Variants in ZC3H8 observed in about 807,000 individuals in gnomAD.
The protein encoded by ZC3H8 is zinc finger CCCH-type containing 8.
A neutral mutation model predicts 42.5 loss-of-function variants in ZC3H8; 27 were observed. The observed-to-expected ratio is 0.64, with a 90% CI of 0.47 to 0.88. The LOEUF (loss-of-function observed/expected upper bound fraction) is 0.88, where lower values mean the gene tolerates loss of function less well. Ranked by LOEUF, ZC3H8 falls within the 40% of genes least tolerant of loss-of-function variation. The pLI is 0.00. For missense variants in ZC3H8, 277 were observed against 336.1 expected, an observed-to-expected ratio of 0.82 and a Z score of 1.37; for synonymous variants, 101 against 110.1, an observed-to-expected ratio of 0.92 and a Z score of 0.52.
At chr2:112,234,381 G>A in intron 4 of ZC3H8, 145 bp from the exon 5 acceptor site, 1 of 591,466 alleles carries the variant, frequency 1.7e-6, no homozygotes, top group South Asian at 2.3e-5. Flanking sequence ...TTGGATTTCT[G>A]TACACCAGGT....
intron 8 of ZC3H8, among the ~76,000 whole-genome samples, chr2:112,217,094 C>A (rs1015577415): frequency 2.6e-5 from 4 of 152,092 alleles, no homozygotes; most frequent in African/African-American, 7.2e-5. Flanking sequence ...ACAGACCAGG[C>A]GCGGTGGCTC....
rs1397216132 is a variant in ZC3H8 at position 112,236,566 on chromosome 2, T to G, written c.500A>C (p.Glu167Ala). 6.2e-7 allele frequency: 1 copy of G among 1,612,990 alleles called. No homozygotes were observed. Among genetic ancestry groups the G allele is most frequent in the African/African-American group, 1.3e-5 (1 of 74,850 alleles). The change falls in exon 4 of 9, where the codon GAA becomes GCA. Residue 167 changes from glutamate to alanine, a missense_variant. Glu to Ala is a moderately radical substitution (Grantham distance 107). Transcript: ENST00000409573. Reference protein sequence around the residue: ...NALLRNSGSQEEDGKPKEKQQ... With the variant: ...NALLRNSGSQAEDGKPKEKQQ... ...TAGAAGCATATATTCCAATACCTCT[T>G]CCTGTGAGCCGCTGTTCCTCAGCAA...
intron 2 of ZC3H8, among the ~76,000 whole-genome samples, chr2:112,242,311 C>G (rs1685612941): frequency 6.6e-6 from 1 of 152,144 alleles, no homozygotes; most frequent in African/African-American, 2.4e-5. Context: ...CACTTGAAAA[C>G]TATATAAAAT....
chr2:112,253,041 G>A (rs1448652730), intron 1 of ZC3H8, among the ~76,000 whole-genome samples: 1 of 152,058 alleles, frequency 6.6e-6, no homozygotes, highest in East Asian at 1.9e-4. Context: ...GGCTGAGGCA[G>A]GAGAATGGTG....
Position 112,232,619 on chromosome 2 carries a change from A to C in ZC3H8, c.733+641T>G, listed in dbSNP as rs150359994. Among the ~76,000 whole-genome samples, 839 of 152,314 alleles carry C rather than the reference A, an allele frequency of 5.5e-3. 6 individuals carry two copies. The highest frequency in any genetic ancestry group is 8.3e-3 in the Non-Finnish European group (563 of 68,022). The stretch of plus-strand genomic sequence containing the variant: ...AAAGTCAACAACGACATATCTTACA[A>C]ATCTGGATCCTTTGTACATTAGACT... On this transcript the variant is annotated intron_variant, in intron 6 of 8. Transcript: ENST00000409573.
intron 2 of ZC3H8, among the ~76,000 whole-genome samples, chr2:112,245,679 A>G (rs1685738934): frequency 6.6e-6 from 1 of 152,198 alleles, no homozygotes; most frequent in Admixed American, 6.5e-5. Context: ...TGATGAAGCA[A>G]CAAGTGCTGA....
intron 8 of ZC3H8, among the ~76,000 whole-genome samples, chr2:112,223,223 G>A (rs1478314609): frequency 2.0e-5 from 3 of 151,770 alleles, no homozygotes; most frequent in East Asian, 1.9e-4. Flanking sequence ...AAACCTGCAC[G>A]TTGTGCACAT....
intron 8 of ZC3H8, among the ~76,000 whole-genome samples, chr2:112,227,124 C>G (rs1270334402): frequency 1.3e-5 from 2 of 152,176 alleles, no homozygotes; most frequent in African/African-American, 2.4e-5. Context: ...TGCCAAATAT[C>G]AGGACAAAGG....
At position 112,213,534 on chromosome 2, in the gene ZC3H8, TG is replaced by T. The variant is rs1217421618; in HGVS notation, c.*2949del. On this transcript the variant is annotated 3_prime_UTR_variant, in exon 9 of 9. Coordinates refer to ENST00000409573, the MANE Select transcript of ZC3H8 (RefSeq NM_032494.3). Reference sequence around the variant, plus strand: ...GCCCACACCTGTAATCCCAGCACTTTGGGAGGCCGAGGTGGGTGGATCACGA... The same window carrying T: ...GCCCACACCTGTAATCCCAGCACTTTGGAGGCCGAGGTGGGTGGATCACGA... The T allele has an allele frequency of 1.3e-5, 2 of 151,590 alleles. No individual in the cohort carries two copies. The highest frequency in any genetic ancestry group is 4.8e-5 in the African/African-American group (2 of 41,308). 9.4% of individuals were successfully genotyped at this position (151,590 alleles called of 1,614,324 possible). A position where few individuals can be genotyped will look rare whatever the true frequency, so the allele number is the denominator to read the frequency against.
chr2:112,255,011 C>T lies in ZC3H8; in HGVS notation c.-30G>A. ...CAGACAGGTCCTCCCTTTCGCGAGC[C>T]GGGAAGCTACAGAGTAACAACCCGA... On this transcript the variant is annotated 5_prime_UTR_variant, in exon 1 of 9. Transcript: ENST00000409573. The T allele has an allele frequency of 6.3e-7, 1 of 1,580,138 alleles. No individual in the cohort carries two copies. Among genetic ancestry groups the T allele is most frequent in the Non-Finnish European group, 8.6e-7 (1 of 1,164,168 alleles).
At chr2:112,236,781 T>A in intron 3 of ZC3H8, 86 bp from the exon 4 acceptor site, 1 of 1,215,662 alleles carries the variant, frequency 8.2e-7, no homozygotes, top group Non-Finnish European at 1.1e-6. Context: ...GTGCAGTGGC[T>A]CATGTCTGTA....
In ZC3H8 at chr2:112,212,606, A is replaced by C; in HGVS notation, c.*3878T>G. Reference sequence around the variant, plus strand: ...TGGTATGACATGAAATCTGAAGGTGAGGTATCGCTCATCTAAGACTGGTTA... The same window carrying C: ...TGGTATGACATGAAATCTGAAGGTGCGGTATCGCTCATCTAAGACTGGTTA... On this transcript the variant is annotated 3_prime_UTR_variant, in exon 9 of 9. Transcript: ENST00000409573. 1 of 152,184 alleles carries C rather than the reference A, an allele frequency of 6.6e-6. No homozygotes were observed. The highest frequency in any genetic ancestry group is 1.5e-5 in the Non-Finnish European group (1 of 68,042). 9.4% of individuals were successfully genotyped at this position (152,184 alleles called of 1,614,324 possible).
intron 2 of ZC3H8, among the ~76,000 whole-genome samples, chr2:112,242,748 G>A (rs1236724272): frequency 4.6e-5 from 7 of 152,114 alleles, no homozygotes; most frequent in Non-Finnish European, 7.4e-5. Context: ...TCACAAGAGA[G>A]TAACAGAAAA....
chr2:112,236,826 T>A, intron 3 of ZC3H8, 131 bp from the exon 4 acceptor site: 1 of 846,098 alleles, frequency 1.2e-6, no homozygotes, highest in Non-Finnish European at 1.8e-6. Flanking sequence ...GCAGGAGGAC[T>A]GCTCAAAGCT....
chr2:112,222,621 AATGTCTGTCAAAAAGGACAAACT>A (rs1349584526), intron 8 of ZC3H8, among the ~76,000 whole-genome samples: 1 of 152,216 alleles, frequency 6.6e-6, no homozygotes, highest in Admixed American at 6.5e-5. Context: ...TGGTGACAGA[AATGTCTGTCAAAAAGGACAAACT>A]GTATGATTTC....
chr2:112,237,772 G>A (rs965355427), intron 3 of ZC3H8, among the ~76,000 whole-genome samples: 29 of 151,796 alleles, frequency 1.9e-4, no homozygotes, highest in African/African-American at 6.8e-4. Context: ...TCACCATGTT[G>A]GCCAGGCTGG....
At chr2:112,239,065 T>C (rs540577174) in intron 2 of ZC3H8, among the ~76,000 whole-genome samples, 1 of 152,352 alleles carries the variant, frequency 6.6e-6, no homozygotes, top group East Asian at 1.9e-4. Flanking sequence ...GCAGCAATGA[T>C]GACAAGGAAT....
intron 3 of ZC3H8, 66 bp downstream of exon 3, chr2:112,238,249 C>A: frequency 2.7e-6 from 4 of 1,486,456 alleles, no homozygotes; most frequent in Non-Finnish European, 3.7e-6. Flanking sequence ...ATCCTCTGTC[C>A]GTATATGGAC....
chr2:112,220,075 A>G (rs893963544), intron 8 of ZC3H8, among the ~76,000 whole-genome samples: 3 of 152,220 alleles, frequency 2.0e-5, no homozygotes, highest in Non-Finnish European at 4.4e-5. Flanking sequence ...TGAAGACAGC[A>G]TACCATTGGG....
Sources: gnomAD v4.1 joint callset for allele counts (sites outside exome capture counted in the v4.1 genomes callset) on GRCh38, gnomAD v4.1.1 for gene constraint, MANE v1.5 for transcripts, NCBI Gene and HGNC (gene_info 2026-07-23, HGNC 2026-07-21) for gene names.